ZBTB7C: variants seen among roughly 807,000 people sequenced by gnomAD.
ZBTB7C encodes the protein zinc finger and BTB domain containing 7C.
Under a neutral mutation model 25.7 loss-of-function variants are expected in ZBTB7C, and 8 were observed. That is an observed-to-expected ratio of 0.31 (90% CI 0.18 to 0.56). ZBTB7C has a LOEUF of 0.56. ZBTB7C is among the 20% of genes least tolerant of loss of function. ZBTB7C has a pLI of 0.91. For synonymous variants in ZBTB7C, 394 were observed against 369.0 expected (o/e 1.07, Z -0.78); for missense variants, 824 against 855.2 (o/e 0.96, Z 0.46).
intron 2 of ZBTB7C, among the ~76,000 whole-genome samples, chr18:48,283,256 A>G (rs2044928366): frequency 6.6e-6 from 1 of 152,208 alleles, no homozygotes; most frequent in South Asian, 2.1e-4. Context: ...AAAATTTGGA[A>G]ATAGCCTAAA....
rs374796051 is a variant in ZBTB7C, at chr18:48,318,214, C to CA, written c.-79+19959dup. Reference sequence around the variant, plus strand: ...GTCCCTTGCAAAAAACAAAACAAAACAAAAAAAAAACCTAAAAAAACAACC... The same window carrying CA: ...GTCCCTTGCAAAAAACAAAACAAAACAAAAAAAAAAACCTAAAAAAACAACC... On this transcript the variant is annotated intron_variant, in intron 2 of 4. Coordinates refer to ENST00000590800, the MANE Select transcript of ZBTB7C (RefSeq NM_001318841.2). 2.7e-3 allele frequency among the ~76,000 whole-genome samples: 408 copies of CA among 148,782 alleles called. 3 individuals are homozygous for CA. Among genetic ancestry groups the CA allele is most frequent in the Non-Finnish European group, 3.3e-3 (221 of 67,052 alleles).
At chr18:48,159,058 G>A (rs1015017511) in intron 3 of ZBTB7C, among the ~76,000 whole-genome samples, 2 of 152,010 alleles carry the variant, frequency 1.3e-5, no homozygotes, top group African/African-American at 4.8e-5. Context: ...AGGCGACAGG[G>A]GATGCAGAGA....
intron 2 of ZBTB7C, among the ~76,000 whole-genome samples, chr18:48,191,504 C>T (rs2042194127): frequency 1.3e-5 from 2 of 152,238 alleles, no homozygotes; most frequent in African/African-American, 4.8e-5. Flanking sequence ...GCCAGCAAGG[C>T]TGGCTTTTCC....
At chr18:48,192,897 ACT>A (rs1276724912) in intron 2 of ZBTB7C, among the ~76,000 whole-genome samples, 1 of 151,996 alleles carries the variant, frequency 6.6e-6, no homozygotes, top group African/African-American at 2.4e-5. Flanking sequence ...TGTTGTAAGG[ACT>A]CTCTGTACTT....
chr18:48,216,014 C>T (rs570557948), intron 2 of ZBTB7C, among the ~76,000 whole-genome samples: 1 of 152,124 alleles, frequency 6.6e-6, no homozygotes, highest in Non-Finnish European at 1.5e-5. Context: ...GCTGGTCAGT[C>T]GTGCCTGAAT....
chr18:48,167,597 T>TGC lies in ZBTB7C; in HGVS notation c.-17+18335_-17+18336dup, dbSNP rs1555705445. Among the ~76,000 whole-genome samples, 110 of 148,160 alleles carry TGC rather than the reference T, an allele frequency of 7.4e-4. 1 individual carries two copies. The highest frequency in any genetic ancestry group is 2.5e-3 in the African/African-American group (103 of 40,554). ...GTGTGTGTGTGTGTGTGTGTGTGTG[T>TGC]GCGCGCGTGCACACGCGCATGCGCC... is the stretch of plus-strand genomic sequence containing the variant. On this transcript the variant is annotated intron_variant, in intron 3 of 4. Transcript: ENST00000590800.
At chr18:48,329,141 A>G (rs1472027092) in intron 2 of ZBTB7C, among the ~76,000 whole-genome samples, 1 of 152,222 alleles carries the variant, frequency 6.6e-6, no homozygotes, top group Non-Finnish European at 1.5e-5. Flanking sequence ...TAATATAAAA[A>G]TAATCACCAC....
chr18:48,310,358 G>A (rs1342689841), intron 2 of ZBTB7C, among the ~76,000 whole-genome samples: 2 of 151,114 alleles, frequency 1.3e-5, no homozygotes, highest in South Asian at 2.1e-4. Flanking sequence ...AATCCTTTCC[G>A]CGTTCCATTT....
At chr18:48,099,593 G>A (rs9948323) in intron 3 of ZBTB7C, among the ~76,000 whole-genome samples, 2,025 of 152,316 alleles carry the variant, frequency 0.013, 54 homozygotes, top group African/African-American at 0.046. Flanking sequence ...GAGGTTGCAG[G>A]GAGAGGGACT....
intron 1 of ZBTB7C, among the ~76,000 whole-genome samples, chr18:48,378,615 A>G (rs1034247776): frequency 1.3e-5 from 2 of 152,234 alleles, no homozygotes; most frequent in Non-Finnish European, 2.9e-5. Context: ...CTGGATGACT[A>G]AAGAAAGCTT....
chr18:48,149,627 G>C (rs1376642074), intron 3 of ZBTB7C: 2 of 152,086 alleles, frequency 1.3e-5, no homozygotes, highest in Non-Finnish European at 2.9e-5. Context: ...GGATGGATGG[G>C]GGAACAGGGC....
intron 2 of ZBTB7C, among the ~76,000 whole-genome samples, chr18:48,187,331 T>A (rs898575962): frequency 6.6e-6 from 1 of 152,162 alleles, no homozygotes; most frequent in Non-Finnish European, 1.5e-5. Flanking sequence ...GAAGAATGGA[T>A]AAACAAATGT....
chr18:48,091,802 GA>G (rs1323355428), intron 3 of ZBTB7C, among the ~76,000 whole-genome samples: 1 of 152,140 alleles, frequency 6.6e-6, no homozygotes, highest in Non-Finnish European at 1.5e-5. Context: ...GGGTCCTTAA[GA>G]AAGGTGCCAC....
At chr18:48,210,367 C>G (rs183682334) in intron 2 of ZBTB7C, among the ~76,000 whole-genome samples, 2 of 152,184 alleles carry the variant, frequency 1.3e-5, no homozygotes, top group East Asian at 3.8e-4. Context: ...ATGAACTTCA[C>G]AGCAGAATTA....
intron 2 of ZBTB7C, among the ~76,000 whole-genome samples, chr18:48,251,956 C>T (rs377187581): frequency 4.6e-5 from 7 of 152,324 alleles, no homozygotes; most frequent in African/African-American, 7.2e-5. Context: ...TGTGTGTCCA[C>T]GCTCTCAATT....
At chr18:48,367,190 TATATATATATATACACACACACAC>T (rs1406946385) in intron 1 of ZBTB7C, among the ~76,000 whole-genome samples, 1 of 68,560 alleles carries the variant, frequency 1.5e-5, no homozygotes, top group Admixed American at 1.6e-4. Flanking sequence ...TATATATATA[TATATATATATATACACACACACAC>T]ACACACACAC....
intron 2 of ZBTB7C, among the ~76,000 whole-genome samples, chr18:48,295,309 A>G (rs2045356485): frequency 6.6e-6 from 1 of 152,152 alleles, no homozygotes; most frequent in Non-Finnish European, 1.5e-5. Flanking sequence ...GAGGCTCCAG[A>G]TATCTCTAAC....
At position 48,399,496 on chromosome 18, in the gene ZBTB7C, T is replaced by C. The variant is rs140367644; in HGVS notation, c.-304+9730A>G. On this transcript the variant is annotated intron_variant, in intron 1 of 4. Coordinates refer to ENST00000590800, the MANE Select transcript of ZBTB7C (RefSeq NM_001318841.2). ...TCACCTGTTAGCTGCAGGAGAAAAA[T>C]TGAGGAGGCACCGTGGCTGCAGAAG... Among the ~76,000 whole-genome samples the C allele has an allele frequency of 8.7e-3, 1,319 of 152,112 alleles. 18 individuals are homozygous for C. The highest frequency in any genetic ancestry group is 0.03 in the African/African-American group (1,231 of 41,490).
intron 2 of ZBTB7C, among the ~76,000 whole-genome samples, chr18:48,242,848 G>T (rs970457453): frequency 6.6e-6 from 1 of 152,126 alleles, no homozygotes; most frequent in Non-Finnish European, 1.5e-5. Flanking sequence ...GTCCTAGCCA[G>T]AGCAATCAGA....
Sources: allele counts gnomAD v4.1 joint callset (sites outside exome capture counted in the v4.1 genomes callset), GRCh38; gene constraint gnomAD v4.1.1; transcripts MANE v1.5; gene names NCBI Gene and HGNC (gene_info 2026-07-23, HGNC 2026-07-21).